C2CD5: variants seen among roughly 807,000 people sequenced by gnomAD.
The protein encoded by C2CD5 is C2 domain-containing protein 5.
C2CD5 carries 109 observed loss-of-function variants against 130.3 expected under a neutral mutation model. The observed-to-expected ratio is 0.84, with a 90% CI of 0.72 to 0.98. The LOEUF is 0.98. Ranked by LOEUF, C2CD5 falls within the 50% of genes least tolerant of loss-of-function variation. The pLI, the probability that C2CD5 is intolerant of heterozygous loss-of-function variation, is 0.00. For synonymous variants in C2CD5, 454 were observed against 429.2 expected (o/e 1.06, Z -0.71); for missense variants, 996 against 1,261.8 (o/e 0.79, Z 3.19).
intron 11 of C2CD5, among the ~76,000 whole-genome samples, chr12:22,491,323 C>T (rs1463987157): frequency 1.3e-5 from 2 of 152,042 alleles, no homozygotes; most frequent in African/African-American, 2.4e-5. Context: ...TTTTTTGCTA[C>T]TCTTTTAAGT....
chr12:22,469,951 C>T (rs1423700290), intron 21 of C2CD5, among the ~76,000 whole-genome samples, 156 bp from the exon 22 acceptor site: 1 of 152,100 alleles, frequency 6.6e-6, no homozygotes, highest in Non-Finnish European at 1.5e-5. Flanking sequence ...CCCATGGAAA[C>T]CATTCATCTG....
chr12:22,458,858 A>G (rs929725441), intron 23 of C2CD5: 14 of 239,650 alleles, frequency 5.8e-5, no homozygotes, highest in Non-Finnish European at 8.0e-5. Flanking sequence ...TCTAACATAA[A>G]TATCAATGAA....
At chr12:22,529,942 C>A (rs894786666) in intron 3 of C2CD5, among the ~76,000 whole-genome samples, 8 of 151,760 alleles carry the variant, frequency 5.3e-5, no homozygotes, top group African/African-American at 1.9e-4. Context: ...TTAAGAGAAA[C>A]CACAGGCTAT....
intron 22 of C2CD5, chr12:22,460,427 T>C (rs1940874845): frequency 6.6e-6 from 1 of 152,184 alleles, no homozygotes; most frequent in African/African-American, 2.4e-5. Context: ...ATAAATATGT[T>C]TTTTCATTTC....
intron 2 of C2CD5, among the ~76,000 whole-genome samples, chr12:22,540,906 T>C (rs1182139287): frequency 6.6e-6 from 1 of 152,190 alleles, no homozygotes; most frequent in Non-Finnish European, 1.5e-5. Context: ...CTATTTGTTA[T>C]AGTTAAACCG....
intron 11 of C2CD5, among the ~76,000 whole-genome samples, chr12:22,492,606 GGCAGACGAAT>G (rs1256949685): frequency 6.6e-6 from 1 of 152,114 alleles, no homozygotes; most frequent in Non-Finnish European, 1.5e-5. Flanking sequence ...AACTAAGAAA[GGCAGACGAAT>G]GCTTTGGAAG....
chr12:22,487,231 T>C (rs1456582865), intron 12 of C2CD5, among the ~76,000 whole-genome samples: 1 of 152,168 alleles, frequency 6.6e-6, no homozygotes, highest in Non-Finnish European at 1.5e-5. Context: ...AAAGAGCTTC[T>C]GCACAGCAAA....
At chr12:22,450,302 C>T (rs905235204) in intron 26 of C2CD5, among the ~76,000 whole-genome samples, 1 of 152,136 alleles carries the variant, frequency 6.6e-6, no homozygotes, top group Non-Finnish European at 1.5e-5. Flanking sequence ...AACACACTCC[C>T]TGACCCATTA....
intron 8 of C2CD5, among the ~76,000 whole-genome samples, 169 bp downstream of exon 8, chr12:22,517,817 A>G (rs1290666818): frequency 6.6e-6 from 1 of 152,260 alleles, no homozygotes; most frequent in Non-Finnish European, 1.5e-5. Flanking sequence ...TTTCTGAATT[A>G]TACAAAATTT....
At position 22,459,504 on chromosome 12, in the gene C2CD5, C is replaced by G; in HGVS notation, c.2572G>C (p.Ala858Pro). The change falls in exon 23 of 27, where the codon GCT (alanine) becomes CCT (proline). Residue 858 changes from alanine to proline, a missense_variant. Physicochemically the swap from Ala to Pro is conservative, Grantham distance 27. Coordinates refer to ENST00000446597, the MANE Select transcript of C2CD5 (RefSeq NM_001286176.2). ...ESASSNSGIP[A>P]AQRATSVDYS... ...TAGACAAACTCACCTCTCTGTGCAG[C>G]TGGTATACCTGAGTTAGAACTTGCA... 1 of 1,531,874 alleles carries G rather than the reference C, an allele frequency of 6.5e-7. No individual in the cohort carries two copies. The highest frequency in any genetic ancestry group is 8.7e-7 in the Non-Finnish European group (1 of 1,143,202). 94.9% of individuals were successfully genotyped at this position (1,531,874 alleles called of 1,614,324 possible).
chr12:22,524,446 G>A (rs74492951), intron 6 of C2CD5, 26 bp downstream of exon 6: 2 of 1,603,082 alleles, frequency 1.2e-6, no homozygotes, highest in East Asian at 2.2e-5. Flanking sequence ...AAATCAGTCA[G>A]TAATAAAGTT....
chr12:22,517,906 A>C (rs539427718), intron 8 of C2CD5, 80 bp downstream of exon 8: 7 of 1,211,776 alleles, frequency 5.8e-6, no homozygotes, highest in Non-Finnish European at 8.1e-6. Context: ...ACAAGAGGAA[A>C]GATTTGGATG....
chr12:22,518,762 T>G (rs189235632), intron 7 of C2CD5, among the ~76,000 whole-genome samples: 1 of 152,386 alleles, frequency 6.6e-6, no homozygotes, highest in African/African-American at 2.4e-5. Flanking sequence ...CTTTGGCAGC[T>G]ATTTCATTTA....
chr12:22,499,531 G>T (rs1011806309), intron 10 of C2CD5, among the ~76,000 whole-genome samples: 4 of 152,148 alleles, frequency 2.6e-5, no homozygotes, highest in African/African-American at 9.7e-5. Context: ...ATAAGTTCTT[G>T]ATCAGTGTAG....
At position 22,484,821 on chromosome 12, in the gene C2CD5, A is replaced by G. The variant is rs745869355; in HGVS notation, c.1426T>C (p.Phe476Leu). ...HIPYDELNMPFPAHLTYCYNC... is the reference protein window; with the variant it reads ...HIPYDELNMPLPAHLTYCYNC... Reference sequence around the variant, plus strand: ...TAGCAATATGTGAGATGAGCTGGAAATGGCATATTCAGTTCATCATATGGT... The same window carrying G: ...TAGCAATATGTGAGATGAGCTGGAAGTGGCATATTCAGTTCATCATATGGT... Residue 476 changes from phenylalanine (F) to leucine (L), a missense_variant, in exon 13 of 27, where the codon TTT (phenylalanine) becomes CTT (leucine). Transcript: ENST00000446597. 1.2e-6 allele frequency: 2 copies of G among 1,609,870 alleles called. No individual in the cohort carries two copies. Among genetic ancestry groups the G allele is most frequent in the Middle Eastern group, 1.8e-4 (1 of 5,674 alleles).
intron 24 of C2CD5, 137 bp downstream of exon 24, chr12:22,458,347 A>G (rs1306865784): frequency 3.7e-5 from 15 of 402,026 alleles, no homozygotes; most frequent in Non-Finnish European, 5.6e-5. Flanking sequence ...AATGACCGTT[A>G]CAGTCTGCAG....
At chr12:22,454,084 T>C in intron 25 of C2CD5, 42 bp from the exon 26 acceptor site, 2 of 1,463,638 alleles carry the variant, frequency 1.4e-6, no homozygotes, top group East Asian at 2.3e-5. Context: ...TATATACATG[T>C]GTATGGATAT....
Position 22,458,597 on chromosome 12 carries a change from G to C in C2CD5, c.2585-12C>G, listed in dbSNP as rs1940447647. On this transcript the variant is annotated splice_polypyrimidine_tract_variant and intron_variant, in intron 23 of 26. Coordinates refer to ENST00000446597, the MANE Select transcript of C2CD5 (RefSeq NM_001286176.2). ...ATCAACTGACGTTGCTGAAAACACA[G>C]ACAGAAAACAAAAGAAAAAAACAAA... The C allele has an allele frequency of 8.2e-7, 1 of 1,215,210 alleles. No homozygotes were observed. The allele number at this position is 1,215,210 out of a possible 1,614,324, so 75.3% of individuals were successfully genotyped here. A position where few individuals can be genotyped will look rare whatever the true frequency, so the allele number is the denominator to read the frequency against.
intron 9 of C2CD5, chr12:22,512,626 A>T (rs1378945855): frequency 1.4e-5 from 21 of 1,459,822 alleles, no homozygotes; most frequent in Non-Finnish European, 1.9e-5. Context: ...ATAGGCTCTC[A>T]CACATTTTTC....
Sources: allele counts gnomAD v4.1 joint callset (sites outside exome capture counted in the v4.1 genomes callset), GRCh38; gene constraint gnomAD v4.1.1; transcripts MANE v1.5; gene names NCBI Gene and HGNC (gene_info 2026-07-23, HGNC 2026-07-21).